The following BMPR1B variants were observed in gnomAD, a reference collection of about 807,000 sequenced individuals.
BMPR1B encodes bone morphogenetic protein receptor type-1B.
BMPR1B carries 12 observed loss-of-function variants against 59.1 expected under a neutral mutation model. The ratio of observed to expected loss-of-function variants is 0.20; its 90% confidence interval spans 0.13 to 0.33. The LOEUF is 0.33. Among genes scored for constraint, BMPR1B ranks in the 10% least tolerant of loss-of-function variants. The probability of loss-of-function intolerance (pLI) is 1.00; values close to 1 mark genes in which losing one functional copy is unlikely to be tolerated. For synonymous variants in BMPR1B, 237 were observed against 207.3 expected, an observed-to-expected ratio of 1.14 and a Z score of -1.23; for missense variants, 550 against 610.9, an observed-to-expected ratio of 0.90 and a Z score of 1.05.
chr4:94,895,043 A>G (rs1435456072), intron 2 of BMPR1B, among the ~76,000 whole-genome samples: 1 of 145,868 alleles, frequency 6.9e-6, no homozygotes, highest in East Asian at 2.0e-4. Context: ...GTTAATATTA[A>G]TGTCTCTTAA....
intron 2 of BMPR1B, among the ~76,000 whole-genome samples, chr4:94,912,965 T>C (rs1359587394): frequency 3.5e-5 from 2 of 56,384 alleles, no homozygotes; most frequent in Non-Finnish European, 6.9e-5. Context: ...GGTGTGCTGC[T>C]TTTTTTTTCC....
intron 1 of BMPR1B, among the ~76,000 whole-genome samples, chr4:94,856,100 T>A (rs907477880): frequency 1.3e-5 from 2 of 152,160 alleles, no homozygotes; most frequent in African/African-American, 4.8e-5. Context: ...TATAAGGAGC[T>A]GGCCTGGGGA....
chr4:94,947,534 G>A (rs1270342357), intron 2 of BMPR1B, among the ~76,000 whole-genome samples: 1 of 152,194 alleles, frequency 6.6e-6, no homozygotes, highest in Admixed American at 6.5e-5. Flanking sequence ...TAGATAGTAA[G>A]ATCCTTGAAA....
chr4:94,999,729 C>T (rs962904285), intron 3 of BMPR1B, among the ~76,000 whole-genome samples: 8 of 152,058 alleles, frequency 5.3e-5, no homozygotes, highest in African/African-American at 1.7e-4. Context: ...CTCATGTAGC[C>T]GGGAGAATTG....
chr4:95,033,738 C>T (rs1448681955), intron 3 of BMPR1B, among the ~76,000 whole-genome samples: 1 of 152,030 alleles, frequency 6.6e-6, no homozygotes, highest in African/African-American at 2.4e-5. Context: ...AGACCAGCTT[C>T]CTGAGCTAGA....
At chr4:95,037,906 C>T (rs1217152804) in intron 3 of BMPR1B, among the ~76,000 whole-genome samples, 1 of 152,040 alleles carries the variant, frequency 6.6e-6, no homozygotes, top group Admixed American at 6.6e-5. Flanking sequence ...AAGAGCTATG[C>T]CCTGAGGGTT....
intron 3 of BMPR1B, among the ~76,000 whole-genome samples, chr4:95,040,132 C>A (rs999816308): frequency 2.6e-5 from 4 of 151,900 alleles, no homozygotes; most frequent in Non-Finnish European, 5.9e-5. Context: ...TATACAAGAA[C>A]AAAATTTTTC....
intron 3 of BMPR1B, among the ~76,000 whole-genome samples, chr4:95,039,759 T>G (rs1036167857): frequency 2.6e-5 from 4 of 152,132 alleles, no homozygotes; most frequent in African/African-American, 9.7e-5. Context: ...ATTATGAGAT[T>G]TTTTTTGCAA....
intron 1 of BMPR1B, among the ~76,000 whole-genome samples, chr4:94,762,772 T>C (rs1399595561): frequency 6.6e-6 from 1 of 151,890 alleles, no homozygotes. Context: ...TTTGTTGGCT[T>C]GGCCAAGGGT....
chr4:94,941,431 CA>C (rs35329546), intron 2 of BMPR1B, among the ~76,000 whole-genome samples: 1,658 of 115,564 alleles, frequency 0.014, 15 homozygotes, highest in African/African-American at 0.037. Flanking sequence ...AAAACTGTCT[CA>C]AAAAAAAAAA....
intron 2 of BMPR1B, among the ~76,000 whole-genome samples, chr4:94,970,677 A>T (rs1043766482): frequency 4.6e-5 from 7 of 152,092 alleles, no homozygotes; most frequent in African/African-American, 1.7e-4. Context: ...AGTTGTACAT[A>T]TTTATGGGGT....
At chr4:94,830,798 G>A (rs1050078600) in intron 1 of BMPR1B, among the ~76,000 whole-genome samples, 2 of 152,130 alleles carry the variant, frequency 1.3e-5, no homozygotes, top group Admixed American at 6.6e-5. Context: ...TGTAGCCATC[G>A]TAACGCCATA....
chr4:94,987,495 T>G (rs1721491444), intron 2 of BMPR1B, among the ~76,000 whole-genome samples: 1 of 152,040 alleles, frequency 6.6e-6, no homozygotes, highest in African/African-American at 2.4e-5. Context: ...AGTTTAAACT[T>G]GGTAGACAAA....
intron 2 of BMPR1B, among the ~76,000 whole-genome samples, chr4:94,928,951 C>T (rs1728991754): frequency 6.6e-6 from 1 of 151,836 alleles, no homozygotes; most frequent in African/African-American, 2.4e-5. Context: ...TACTTTTATG[C>T]CCCCAGACCA....
At chr4:94,900,468 C>A (rs1374916620) in intron 2 of BMPR1B, among the ~76,000 whole-genome samples, 1 of 151,832 alleles carries the variant, frequency 6.6e-6, no homozygotes, top group Non-Finnish European at 1.5e-5. Context: ...TTTGTACATA[C>A]AAATATGATG....
At chr4:94,768,208 A>G (rs899972701) in intron 1 of BMPR1B, among the ~76,000 whole-genome samples, 8 of 152,160 alleles carry the variant, frequency 5.3e-5, no homozygotes, top group Non-Finnish European at 7.4e-5. Context: ...GAGTAACTCA[A>G]TTTTCAAGTT....
At chr4:94,845,671 T>C (rs1163344625) in intron 1 of BMPR1B, among the ~76,000 whole-genome samples, 1 of 152,244 alleles carries the variant, frequency 6.6e-6, no homozygotes, top group African/African-American at 2.4e-5. Flanking sequence ...TTAAGAATGG[T>C]CACTTTCAAA....
chr4:94,999,878 G>A (rs1273067425), intron 3 of BMPR1B, among the ~76,000 whole-genome samples: 1 of 152,090 alleles, frequency 6.6e-6, no homozygotes, highest in Non-Finnish European at 1.5e-5. Flanking sequence ...TTCCATTTCA[G>A]GCAGAAGAAG....
intron 2 of BMPR1B, among the ~76,000 whole-genome samples, chr4:94,963,901 A>G (rs1730461742): frequency 6.6e-6 from 1 of 152,050 alleles, no homozygotes; most frequent in South Asian, 2.1e-4. Context: ...GGATTTCATT[A>G]AATCTGTAGG....
Sources: allele counts gnomAD v4.1 joint callset (sites outside exome capture counted in the v4.1 genomes callset), GRCh38; gene constraint gnomAD v4.1.1; transcripts MANE v1.5; gene names NCBI Gene and HGNC (gene_info 2026-07-23, HGNC 2026-07-21).